ENTPD5: variants seen among roughly 807,000 people sequenced by gnomAD.
The protein encoded by ENTPD5 is ectonucleoside triphosphate diphosphohydrolase 5 (inactive), also known as nucleoside diphosphate phosphatase ENTPD5.
A neutral mutation model predicts 60.2 loss-of-function variants in ENTPD5; 49 were observed. The observed-to-expected ratio is 0.81, with a 90% confidence interval of 0.65 to 1.03. ENTPD5 has a LOEUF of 1.03. Among genes scored for constraint, ENTPD5 ranks in the 50% least tolerant of loss-of-function variants. The pLI, the probability that ENTPD5 is intolerant of heterozygous loss-of-function variation, is 0.00. For missense variants in ENTPD5, 480 were observed against 507.6 expected (o/e 0.95, Z 0.52); for synonymous variants, 187 against 185.4 (o/e 1.01, Z -0.07).
chr14:73,975,975 A>AC lies in ENTPD5; in HGVS notation c.682_683insG (p.Phe228CysfsTer2). The AC allele has an allele frequency of 9.9e-6, 16 of 1,613,730 alleles. No individual in the cohort carries two copies. The South Asian group carries it at 1.6e-4, about 17-fold the overall frequency. On this transcript the variant is annotated frameshift_variant, in exon 10 of 16. Coordinates refer to ENST00000334696, the MANE Select transcript of ENTPD5 (RefSeq NM_001249.5). LOFTEE classifies it high-confidence loss of function. ...CTTATAAGTGCTGTTAAACATCTCA[A>AC]AGGAAGTGAGGTAGCCCCTAGGAGT...
chr14:73,979,466 T>C (rs1294332258), intron 6 of ENTPD5, among the ~76,000 whole-genome samples: 1 of 147,000 alleles, frequency 6.8e-6, no homozygotes, highest in Non-Finnish European at 1.5e-5. Context: ...CAGTACATAG[T>C]AAGCACTTTT....
intron 3 of ENTPD5, chr14:73,996,105 C>A (rs1348283208): frequency 1.8e-5 from 18 of 983,174 alleles, no homozygotes; most frequent in Non-Finnish European, 2.2e-5. Context: ...TTCATGTGCT[C>A]ACCTGCTTGT....
chr14:73,966,733 C>A lies in ENTPD5; in HGVS notation c.*195G>T. 1 of 493,190 alleles carries A rather than the reference C, an allele frequency of 2.0e-6. No individual in the cohort carries two copies. The highest frequency in any genetic ancestry group is 3.6e-6 in the Non-Finnish European group (1 of 279,150). The allele number at this position is 493,190 out of a possible 1,614,324, so 30.6% of individuals were successfully genotyped here. ...ACTATACTTTTTGGCTCACAGGGCT[C>A]TCTGTGATGCTCTGGTGCCAGCTGT... On this transcript the variant is annotated 3_prime_UTR_variant, in exon 16 of 16. Coordinates refer to ENST00000334696, the MANE Select transcript of ENTPD5 (RefSeq NM_001249.5).
intron 3 of ENTPD5, among the ~76,000 whole-genome samples, chr14:73,999,303 C>T (rs899400063): frequency 1.3e-5 from 2 of 150,108 alleles, no homozygotes; most frequent in African/African-American, 2.5e-5. Context: ...GCCTGGCCAA[C>T]GTGGTGAAAC....
chr14:74,000,243 G>A (rs1013198730), intron 3 of ENTPD5, among the ~76,000 whole-genome samples: 13 of 151,616 alleles, frequency 8.6e-5, no homozygotes, highest in African/African-American at 3.2e-4. Context: ...GATTGCTTGA[G>A]CTCAGGAGTT....
At position 73,998,506 on chromosome 14, in the gene ENTPD5, G is replaced by A. The variant is rs920466135; in HGVS notation, c.-70-10334C>T. Among the ~76,000 whole-genome samples the A allele has an allele frequency of 5.3e-4, 81 of 151,916 alleles. 1 individual carries two copies. Among genetic ancestry groups the A allele is most frequent in the Non-Finnish European group, 1.5e-5 (1 of 68,008 alleles). On this transcript the variant is annotated intron_variant, in intron 3 of 15. Transcript: ENST00000334696. ...TTCCAGAAATTAGCAATTTCTTACT[G>A]CTGCTTACAAGTACAGCACACAAAG...
chr14:73,957,309 T>A (rs2056484266), downstream of ENTPD5, among the ~76,000 whole-genome samples: 1 of 151,968 alleles, frequency 6.6e-6, no homozygotes, highest in Admixed American at 6.6e-5. Context: ...GTGGTCTCAA[T>A]CTCCTGACCT....
chr14:73,956,060 C>A (rs1054617709), downstream of ENTPD5: 8 of 1,346,260 alleles, frequency 5.9e-6, no homozygotes, highest in South Asian at 7.1e-5. Flanking sequence ...TGCGGTGGCT[C>A]ACGCCTGTAA....
At chr14:73,982,570 C>T (rs559742364) in intron 6 of ENTPD5, among the ~76,000 whole-genome samples, 11 of 151,888 alleles carry the variant, frequency 7.2e-5, no homozygotes, top group South Asian at 2.1e-4. Flanking sequence ...TCCTGGCTAA[C>T]GCAGTGAAAC....
downstream of ENTPD5, chr14:73,958,080 A>T: frequency 7.6e-7 from 1 of 1,316,412 alleles, no homozygotes; most frequent in Non-Finnish European, 1.1e-6. Flanking sequence ...AGGTTTAGTT[A>T]TGGCTTTTTC....
At chr14:73,984,075 T>A in intron 5 of ENTPD5, among the ~76,000 whole-genome samples, 1 of 151,918 alleles carries the variant, frequency 6.6e-6, no homozygotes, top group Non-Finnish European at 1.5e-5. Context: ...TTACCCAGGC[T>A]GGAGTGCAAC....
At chr14:73,994,725 C>T (rs1341124865) in intron 3 of ENTPD5, among the ~76,000 whole-genome samples, 2 of 129,260 alleles carry the variant, frequency 1.5e-5, no homozygotes. Context: ...AGCGAGACTC[C>T]ATCTCAAAAA....
At chr14:73,971,117 A>G (rs2057205055) in intron 14 of ENTPD5, among the ~76,000 whole-genome samples, 1 of 151,562 alleles carries the variant, frequency 6.6e-6, no homozygotes, top group Non-Finnish European at 1.5e-5. Flanking sequence ...ATGTAGAAGG[A>G]AAAAAAAGGT....
intron 6 of ENTPD5, among the ~76,000 whole-genome samples, chr14:73,980,064 A>C (rs545809962): frequency 2.5e-4 from 38 of 149,538 alleles, no homozygotes; most frequent in Non-Finnish European, 5.2e-4. Flanking sequence ...CTCCTGCCTC[A>C]GCCTCCCCAG....
intron 3 of ENTPD5, among the ~76,000 whole-genome samples, chr14:74,010,869 T>A (rs2058828429): frequency 6.6e-6 from 1 of 152,208 alleles, no homozygotes; most frequent in African/African-American, 2.4e-5. Flanking sequence ...AAATCTGTTG[T>A]AGGATGTAAA....
rs1390218531 is a variant in ENTPD5 at position 73,986,847 on chromosome 14, T to C, written c.264A>G (p.Pro88=). Residue 88 remains proline (P), a synonymous_variant, in exon 5 of 16, where the codon CCA becomes CCG. Coordinates refer to ENST00000334696, the MANE Select transcript of ENTPD5 (RefSeq NM_001249.5). ...GTTGATCTACAAAAGCAGAAAGTCC[T>C]GGCTTCACAGAATCAAAAACTTCCC... ...LEGEVFDSVK[P]GLSAFVDQPK... The C allele has an allele frequency of 1.2e-6, 2 of 1,614,164 alleles. No individual in the cohort carries two copies. Among genetic ancestry groups the C allele is most frequent in the African/African-American group, 1.3e-5 (1 of 75,068 alleles).
chr14:73,961,336 A>T (rs2056721032), downstream of ENTPD5: 22 of 1,614,208 alleles, frequency 1.4e-5, no homozygotes, highest in Non-Finnish European at 1.9e-5. Flanking sequence ...GGGTTGGGAC[A>T]TGCTGCTGAG....
intron 3 of ENTPD5, among the ~76,000 whole-genome samples, chr14:73,998,866 G>T (rs983253130): frequency 6.6e-6 from 1 of 152,150 alleles, no homozygotes; most frequent in African/African-American, 2.4e-5. Flanking sequence ...TAAAGTTGAA[G>T]AGATAGATTG....
chr14:73,999,490 AC>A (rs957448416), intron 3 of ENTPD5, among the ~76,000 whole-genome samples: 1 of 144,074 alleles, frequency 6.9e-6, no homozygotes, highest in South Asian at 2.3e-4. Flanking sequence ...TCTGCCCCCC[AC>A]CCCCCCAAAA....
Sources: gnomAD v4.1 joint callset for allele counts (sites outside exome capture counted in the v4.1 genomes callset) on GRCh38, gnomAD v4.1.1 for gene constraint, MANE v1.5 for transcripts, NCBI Gene and HGNC (gene_info 2026-07-23, HGNC 2026-07-21) for gene names.